Variants in BTBD9 observed in about 807,000 individuals in gnomAD.
The protein encoded by BTBD9 is BTB/POZ domain-containing protein 9.
BTBD9 carries 49 observed loss-of-function variants against 64.3 expected under a neutral mutation model. That is an observed-to-expected ratio of 0.76 (90% CI 0.61 to 0.97). The LOEUF is 0.97. Ranked by LOEUF, BTBD9 falls within the 50% of genes least tolerant of loss-of-function variation. The pLI is 0.00. For missense variants in BTBD9, 598 were observed against 762.1 expected (o/e 0.78, Z 2.53); for synonymous variants, 260 against 274.7 (o/e 0.95, Z 0.53).
chr6:38,555,107 T>C (rs1408379191), intron 6 of BTBD9, among the ~76,000 whole-genome samples: 1 of 152,236 alleles, frequency 6.6e-6, no homozygotes, highest in African/African-American at 2.4e-5. Flanking sequence ...CCTGCAGTCC[T>C]TTCTCCAAGA....
rs150739424 is a variant in BTBD9, at chr6:38,583,732, G to A, written c.815-3295C>T. On this transcript the variant is annotated intron_variant, in intron 4 of 10. Transcript: ENST00000481247. ...TCTTCTTTTGAAGTTTATTTCAAGG[G>A]TACTTGAAAACTTTCCTAACCATTC... Among the ~76,000 whole-genome samples the A allele has an allele frequency of 4.7e-3, 716 of 152,196 alleles. 1 individual carries two copies. The highest frequency in any genetic ancestry group is 7.9e-3 in the Non-Finnish European group (535 of 67,986).
At chr6:38,613,104 G>A (rs1365581215) in intron 1 of BTBD9, 1 of 152,158 alleles carries the variant, frequency 6.6e-6, no homozygotes, top group East Asian at 1.9e-4. Context: ...TTATTGAGTA[G>A]TTGTCAAATT....
intron 6 of BTBD9, among the ~76,000 whole-genome samples, chr6:38,572,318 G>T (rs1775806635): frequency 6.6e-6 from 1 of 152,128 alleles, no homozygotes; most frequent in African/African-American, 2.4e-5. Context: ...AGTGACGAAT[G>T]AATACATAAA....
chr6:38,598,505 C>T (rs1308307293), intron 1 of BTBD9, among the ~76,000 whole-genome samples: 1 of 152,048 alleles, frequency 6.6e-6, no homozygotes, highest in Middle Eastern at 3.2e-3. Context: ...ACAATTATAC[C>T]GAATAGAAAA....
intron 1 of BTBD9, among the ~76,000 whole-genome samples, chr6:38,638,707 C>G (rs1339072868): frequency 6.6e-6 from 1 of 152,180 alleles, no homozygotes; most frequent in Non-Finnish European, 1.5e-5. Context: ...AAATGAGAAC[C>G]TTGAACTTAT....
At chr6:38,283,890 G>A (rs547946706) in intron 8 of BTBD9, among the ~76,000 whole-genome samples, 1 of 152,284 alleles carries the variant, frequency 6.6e-6, no homozygotes, top group Non-Finnish European at 1.5e-5. Flanking sequence ...AAATGTCACT[G>A]ACTAATCAAC....
At chr6:38,420,087 TA>T (rs528366936) in intron 6 of BTBD9, among the ~76,000 whole-genome samples, 7 of 151,998 alleles carry the variant, frequency 4.6e-5, no homozygotes, top group South Asian at 2.1e-4. Context: ...AAATAAGTAA[TA>T]AAAAAAATCA....
chr6:38,609,080 T>A (rs1029690370), intron 1 of BTBD9, among the ~76,000 whole-genome samples: 3 of 152,150 alleles, frequency 2.0e-5, no homozygotes, highest in African/African-American at 7.2e-5. Context: ...ATCTACAGTG[T>A]GTATGTAAGA....
intron 8 of BTBD9, among the ~76,000 whole-genome samples, chr6:38,270,637 G>T (rs1765168385): frequency 6.6e-6 from 1 of 152,178 alleles, no homozygotes; most frequent in Admixed American, 6.5e-5. Context: ...GTGTACAAAG[G>T]ATACATATGA....
chr6:38,567,801 TG>T (rs1775587931), intron 6 of BTBD9, among the ~76,000 whole-genome samples: 1 of 152,178 alleles, frequency 6.6e-6, no homozygotes, highest in Non-Finnish European at 1.5e-5. Flanking sequence ...TTACTAACCG[TG>T]GGACTTGTAC....
At chr6:38,272,701 A>G (rs540625278) in intron 8 of BTBD9, among the ~76,000 whole-genome samples, 4 of 152,246 alleles carry the variant, frequency 2.6e-5, no homozygotes, top group African/African-American at 9.6e-5. Flanking sequence ...GATATTATTT[A>G]TCTGGTTACC....
At chr6:38,364,083 A>G (rs962637385) in intron 6 of BTBD9, among the ~76,000 whole-genome samples, 2 of 152,202 alleles carry the variant, frequency 1.3e-5, no homozygotes, top group Non-Finnish European at 2.9e-5. Flanking sequence ...ACAACATTAG[A>G]GAAAATGCAA....
At chr6:38,486,885 G>C (rs1771457364) in intron 6 of BTBD9, among the ~76,000 whole-genome samples, 1 of 152,154 alleles carries the variant, frequency 6.6e-6, no homozygotes, top group Non-Finnish European at 1.5e-5. Context: ...GTAACAAAAA[G>C]GGGTATGCTT....
intron 1 of BTBD9, among the ~76,000 whole-genome samples, chr6:38,630,200 CAA>C (rs541759836): frequency 2.9e-4 from 17 of 59,204 alleles, no homozygotes; most frequent in Admixed American, 5.2e-4. Context: ...AATTCCGTCT[CAA>C]AAAAAAAAAA....
chr6:38,425,200 A>T (rs1480136511), intron 6 of BTBD9, among the ~76,000 whole-genome samples: 2 of 147,964 alleles, frequency 1.4e-5, no homozygotes, highest in Admixed American at 1.3e-4. Context: ...CCGCCTCCCA[A>T]GTTCAAGTGA....
At chr6:38,522,306 T>C (rs936504929) in intron 6 of BTBD9, among the ~76,000 whole-genome samples, 1 of 152,248 alleles carries the variant, frequency 6.6e-6, no homozygotes, top group African/African-American at 2.4e-5. Context: ...AATTTGAACC[T>C]ACTAGAGCTA....
chr6:38,214,849 T>G (rs1415806466), intron 9 of BTBD9, among the ~76,000 whole-genome samples: 1 of 152,240 alleles, frequency 6.6e-6, no homozygotes, highest in Admixed American at 6.5e-5. Flanking sequence ...TGGCTTCCTT[T>G]CAGACTGTGT....
chr6:38,506,871 C>T (rs576435167), intron 6 of BTBD9, among the ~76,000 whole-genome samples: 11 of 152,280 alleles, frequency 7.2e-5, no homozygotes, highest in African/African-American at 2.2e-4. Context: ...ATGGCATAAA[C>T]GACCCAACTG....
intron 1 of BTBD9, among the ~76,000 whole-genome samples, chr6:38,600,383 G>A (rs939206011): frequency 6.6e-6 from 1 of 152,118 alleles, no homozygotes; most frequent in Admixed American, 6.5e-5. Flanking sequence ...CTGACGTCAG[G>A]GACTGACTGT....
Sources: gnomAD v4.1 joint callset for allele counts (sites outside exome capture counted in the v4.1 genomes callset) on GRCh38, gnomAD v4.1.1 for gene constraint, MANE v1.5 for transcripts, NCBI Gene and HGNC (gene_info 2026-07-23, HGNC 2026-07-21) for gene names.